ATP6V0A4: variants seen among roughly 807,000 people sequenced by gnomAD.
ATP6V0A4 encodes the protein V-type proton ATPase 116 kDa subunit a 4.
Under a neutral mutation model 107.3 loss-of-function variants are expected in ATP6V0A4, and 86 were observed. The observed-to-expected ratio is 0.80, with a 90% CI of 0.67 to 0.96. ATP6V0A4 has a LOEUF of 0.96. ATP6V0A4 is among the 40% of genes least tolerant of loss of function. The pLI is 0.00. For missense variants in ATP6V0A4, 908 were observed against 1,045.6 expected, an observed-to-expected ratio of 0.87 and a Z score of 1.81; for synonymous variants, 353 against 381.4, an observed-to-expected ratio of 0.93 and a Z score of 0.87.
chr7:138,708,386 C>T (rs1803561665), intron 21 of ATP6V0A4, among the ~76,000 whole-genome samples: 2 of 152,100 alleles, frequency 1.3e-5, no homozygotes, highest in Admixed American at 6.6e-5. Context: ...AGTTCCTCTC[C>T]TCAATGACAT....
At chr7:138,778,884 C>T (rs1451217615) in intron 2 of ATP6V0A4, among the ~76,000 whole-genome samples, 1 of 152,150 alleles carries the variant, frequency 6.6e-6, no homozygotes, top group East Asian at 1.9e-4. Flanking sequence ...ATAAGCTCCC[C>T]TCCCCCGATC....
intron 17 of ATP6V0A4, 29 bp downstream of exon 17, chr7:138,732,848 G>C: frequency 6.9e-7 from 1 of 1,457,032 alleles, no homozygotes; most frequent in Non-Finnish European, 9.2e-7. Flanking sequence ...AATAAAAGAA[G>C]AGTAAAAAAA....
intron 18 of ATP6V0A4, among the ~76,000 whole-genome samples, chr7:138,726,264 C>T (rs1456900404): frequency 6.6e-6 from 1 of 152,250 alleles, no homozygotes; most frequent in Admixed American, 6.5e-5. Flanking sequence ...GCTGGGATTA[C>T]AGGCGTGAGC....
intron 1 of ATP6V0A4, among the ~76,000 whole-genome samples, chr7:138,797,209 T>TA (rs1491115238): frequency 6.2e-4 from 70 of 112,926 alleles, no homozygotes; most frequent in African/African-American, 2.8e-3. Flanking sequence ...TGCCATTTTC[T>TA]TTTTTTTTTT....
At chr7:138,781,551 T>C (rs571246634) in intron 2 of ATP6V0A4, among the ~76,000 whole-genome samples, 2 of 152,250 alleles carry the variant, frequency 1.3e-5, no homozygotes, top group African/African-American at 4.8e-5. Context: ...AGGCTGGTCT[T>C]GAACTCCTAA....
chr7:138,795,304 T>A (rs1808605453), intron 1 of ATP6V0A4, among the ~76,000 whole-genome samples: 1 of 152,126 alleles, frequency 6.6e-6, no homozygotes, highest in African/African-American at 2.4e-5. Flanking sequence ...CACATAACAA[T>A]GATAAAATAG....
intron 8 of ATP6V0A4, among the ~76,000 whole-genome samples, chr7:138,759,382 G>A (rs890972954): frequency 6.6e-6 from 1 of 152,074 alleles, no homozygotes; most frequent in Admixed American, 6.6e-5. Context: ...CAAGATCCCC[G>A]GGTGACCTCT....
At chr7:138,797,052 C>T (rs1401639337) in intron 1 of ATP6V0A4, among the ~76,000 whole-genome samples, 2 of 152,126 alleles carry the variant, frequency 1.3e-5, no homozygotes, top group Non-Finnish European at 2.9e-5. Context: ...TGCCTTGGCT[C>T]ACCTGCGCTT....
chr7:138,794,040 T>G (rs1468063310), intron 1 of ATP6V0A4, among the ~76,000 whole-genome samples: 1 of 152,208 alleles, frequency 6.6e-6, no homozygotes, highest in African/African-American at 2.4e-5. Context: ...AACCTCTTGT[T>G]CTCTCCAAAT....
rs543653563 is a variant in ATP6V0A4, at chr7:138,759,973, G to A, written c.513-95C>T. On this transcript the variant is annotated intron_variant, in intron 7 of 21. Transcript: ENST00000310018. ...ACGTGAAGACACACCATGAAAGGAA[G>A]GGCCATTCACTCTGTGAGCAGGAGG... The A allele has an allele frequency of 2.9e-5, 46 of 1,598,656 alleles. No individual in the cohort carries two copies. In the East Asian group the frequency reaches 8.7e-4, roughly 30 times the overall value.
At chr7:138,741,964 C>A (rs898736358) in intron 14 of ATP6V0A4, among the ~76,000 whole-genome samples, 2 of 152,128 alleles carry the variant, frequency 1.3e-5, no homozygotes, top group Non-Finnish European at 2.9e-5. Flanking sequence ...ACCAAAGAGT[C>A]TTGAATTGGG....
chr7:138,772,720 C>G (rs537284340), intron 2 of ATP6V0A4, among the ~76,000 whole-genome samples: 99 of 152,308 alleles, frequency 6.5e-4, no homozygotes, highest in African/African-American at 2.3e-3. Flanking sequence ...GCATACGTAG[C>G]CAGGGAACGG....
At chr7:138,720,569 C>A (rs1804377482) in intron 19 of ATP6V0A4, among the ~76,000 whole-genome samples, 2 of 152,268 alleles carry the variant, frequency 1.3e-5, no homozygotes, top group East Asian at 3.9e-4. Flanking sequence ...CTGTGGATCA[C>A]TCTGTACCTA....
intron 19 of ATP6V0A4, among the ~76,000 whole-genome samples, chr7:138,720,478 T>C (rs1200330142): frequency 2.6e-5 from 4 of 152,098 alleles, no homozygotes; most frequent in Admixed American, 6.6e-5. Context: ...AGGCCAGGAC[T>C]TGAGGAGTCA....
chr7:138,761,327 G>A (rs984379220), intron 7 of ATP6V0A4, among the ~76,000 whole-genome samples: 2 of 114,674 alleles, frequency 1.7e-5, no homozygotes, highest in African/African-American at 8.2e-5. Context: ...GTGAGAGCCC[G>A]TGTCAAAAAA....
At chr7:138,714,555 TAGATAGAC>T (rs1192360885) in intron 20 of ATP6V0A4, among the ~76,000 whole-genome samples, 32 of 141,376 alleles carry the variant, frequency 2.3e-4, no homozygotes, top group Non-Finnish European at 4.4e-4. Flanking sequence ...GATAGATAGA[TAGATAGAC>T]AGACAGACAG....
intron 18 of ATP6V0A4, among the ~76,000 whole-genome samples, chr7:138,723,738 G>A (rs948306966): frequency 3.6e-4 from 54 of 151,300 alleles, no homozygotes; most frequent in African/African-American, 1.3e-3. Flanking sequence ...GCTGGCCAGG[G>A]TGATCTCGAA....
rs1228429224 is a variant in ATP6V0A4 at position 138,721,916 on chromosome 7, A to G, written c.2120T>C (p.Leu707Pro). The G allele has an allele frequency of 1.9e-6, 3 of 1,614,000 alleles. No individual in the cohort carries two copies. The highest frequency in any genetic ancestry group is 2.5e-6 in the Non-Finnish European group (3 of 1,180,018). ...AGATACCTCTTCTCCATGGTCGTCC[A>G]GAGCCCCGTGGGTATCTGCAGAAGT... ...QRTSADTHGA[L>P]DDHGEEFNFG... Residue 707 changes from leucine to proline, a missense_variant, in exon 19 of 22, where the codon CTG becomes CCG. Physicochemically the swap from Leu to Pro is moderately conservative, Grantham distance 98. Transcript: ENST00000310018.
Position 138,749,259 on chromosome 7 carries a change from G to C in ATP6V0A4, c.1088C>G (p.Pro363Arg). 1 of 1,613,908 alleles carries C rather than the reference G, an allele frequency of 6.2e-7. No individual in the cohort carries two copies. The highest frequency in any genetic ancestry group is 8.5e-7 in the Non-Finnish European group (1 of 1,179,972). Residue 363 changes from proline (P) to arginine (R), a missense_variant, in exon 12 of 22, where the codon CCT becomes CGT. Transcript: ENST00000310018. ...IMTTVQSKTA[P>R]PTFNRTNKFT... ...TTTATTGGTCCTGTTAAATGTGGGA[G>C]GGGCTGTTTTAGATTGCACTGTGGT... is the stretch of plus-strand genomic sequence containing the variant.
Sources: gnomAD v4.1 joint callset for allele counts (sites outside exome capture counted in the v4.1 genomes callset) on GRCh38, gnomAD v4.1.1 for gene constraint, MANE v1.5 for transcripts, NCBI Gene and HGNC (gene_info 2026-07-23, HGNC 2026-07-21) for gene names.